The following TTLL7 variants were observed in gnomAD, a reference collection of about 807,000 sequenced individuals.
TTLL7 encodes the protein tubulin polyglutamylase TTLL7.
A neutral mutation model predicts 120.2 loss-of-function variants in TTLL7; 53 were observed. The observed-to-expected ratio is 0.44, with a 90% CI of 0.35 to 0.55. TTLL7 has a LOEUF of 0.55. Ranked by LOEUF, TTLL7 falls within the 20% of genes least tolerant of loss-of-function variation. The probability of loss-of-function intolerance (pLI) is 0.00; values close to 1 mark genes in which losing one functional copy is unlikely to be tolerated. For missense variants in TTLL7, 803 were observed against 1,054.7 expected, an observed-to-expected ratio of 0.76 and a Z score of 3.31; for synonymous variants, 353 against 351.7, an observed-to-expected ratio of 1.00 and a Z score of -0.04.
chr1:83,880,687 A>G (rs184874099), intron 20 of TTLL7, among the ~76,000 whole-genome samples: 19 of 152,222 alleles, frequency 1.2e-4, no homozygotes, highest in African/African-American at 4.6e-4. Flanking sequence ...CTTAGATTCA[A>G]TGCCATCCGC....
intron 13 of TTLL7, 84 bp downstream of exon 13, chr1:83,919,615 T>C (rs1658476719): frequency 1.6e-6 from 2 of 1,248,324 alleles, no homozygotes; most frequent in East Asian, 2.6e-5. Context: ...AATGTTTTTA[T>C]ATGTCGGACC....
Position 83,917,583 on chromosome 1 carries a change from G to A in TTLL7, c.1587+21C>T, listed in dbSNP as rs765775511. ...AGTAGCATCTACTTTGATAAGTAAG[G>A]AAGGTAGAGATATACTGCACCTTTG... On this transcript the variant is annotated intron_variant, in intron 14 of 20. Coordinates refer to ENST00000260505, the MANE Select transcript of TTLL7 (RefSeq NM_024686.6). 2.9e-5 allele frequency: 45 copies of A among 1,535,308 alleles called. No homozygotes were observed. The East Asian group carries it at 4.0e-4, about 14-fold the overall frequency.
chr1:83,895,752 A>G (rs1656159283), intron 18 of TTLL7, among the ~76,000 whole-genome samples: 1 of 152,070 alleles, frequency 6.6e-6, no homozygotes, highest in African/African-American at 2.4e-5. Context: ...TCTTAACTAC[A>G]TCCAGCACTG....
chr1:83,951,612 T>C (rs1249513127), intron 3 of TTLL7, among the ~76,000 whole-genome samples: 1 of 152,212 alleles, frequency 6.6e-6, no homozygotes, highest in East Asian at 1.9e-4. Context: ...TGTCTAATCA[T>C]ATTAAGTGTT....
intron 20 of TTLL7, among the ~76,000 whole-genome samples, chr1:83,879,200 CT>C (rs1373055876): frequency 6.6e-6 from 1 of 151,800 alleles, no homozygotes. Flanking sequence ...CGTTTCTTAC[CT>C]ATGAGGAAAA....
Position 83,933,761 on chromosome 1 carries a change from C to CA in TTLL7, c.893dup (p.Leu298PhefsTer21). Reference sequence around the variant, plus strand: ...CTGCTACAATCAGGGTCTTTACCACCAATTCCTATAAGATTGTGATAAAAG... The same window carrying CA: ...CTGCTACAATCAGGGTCTTTACCACCAAATTCCTATAAGATTGTGATAAAAG... On this transcript the variant is annotated frameshift_variant, in exon 9 of 21. Coordinates refer to ENST00000260505, the MANE Select transcript of TTLL7 (RefSeq NM_024686.6). LOFTEE classifies it high-confidence loss of function. 6.2e-7 allele frequency: 1 copy of CA among 1,607,832 alleles called. No homozygotes were observed. Among genetic ancestry groups the CA allele is most frequent in the Non-Finnish European group, 8.5e-7 (1 of 1,177,754 alleles).
At position 83,921,244 on chromosome 1, in the gene TTLL7, T is replaced by C; in HGVS notation, c.1290+3A>G. The C allele has an allele frequency of 1.9e-6, 3 of 1,611,988 alleles. No individual in the cohort carries two copies. Among genetic ancestry groups the C allele is most frequent in the Non-Finnish European group, 2.5e-6 (3 of 1,179,346 alleles). ...TGTGGGTACTTTCTTAAAACTTTCATACCAACTCTTCTTTCCGCCTCTCCA... is the reference window on the plus strand; with the variant it reads ...TGTGGGTACTTTCTTAAAACTTTCACACCAACTCTTCTTTCCGCCTCTCCA... On this transcript the variant is annotated splice_donor_region_variant and intron_variant, in intron 11 of 20. Transcript: ENST00000260505.
At position 83,865,624 on chromosome 1, in the gene TTLL7, C is replaced by T. The variant is rs1652862794; in HGVS notation, c.*4338G>A. 1 of 151,854 alleles carries T rather than the reference C, an allele frequency of 6.6e-6. No homozygotes were observed. Among genetic ancestry groups the T allele is most frequent in the Admixed American group, 6.6e-5 (1 of 15,242 alleles). The allele number at this position is 151,854 out of a possible 1,614,324, so 9.4% of individuals were successfully genotyped here. A position where few individuals can be genotyped will look rare whatever the true frequency, so the allele number is the denominator to read the frequency against. On this transcript the variant is annotated 3_prime_UTR_variant, in exon 21 of 21. Transcript: ENST00000260505. ...TTTGGTTGCAAGACTTATTTGTAGC[C>T]ATATATCTTGCTTTATATGTATCCA...
chr1:83,874,897 A>G (rs1378867230), intron 20 of TTLL7, among the ~76,000 whole-genome samples: 2 of 152,018 alleles, frequency 1.3e-5, no homozygotes, highest in South Asian at 2.1e-4. Context: ...TAATTTATAT[A>G]TTATGAACAC....
intron 1 of TTLL7, among the ~76,000 whole-genome samples, chr1:83,991,158 A>G (rs1222509734): frequency 6.6e-6 from 1 of 152,212 alleles, no homozygotes; most frequent in Non-Finnish European, 1.5e-5. Flanking sequence ...TCATAGAAAC[A>G]TAAAGTAGAA....
At chr1:83,964,809 A>G (rs1650308537) in intron 1 of TTLL7, among the ~76,000 whole-genome samples, 3 of 152,162 alleles carry the variant, frequency 2.0e-5, no homozygotes, top group Admixed American at 6.5e-5. Flanking sequence ...TATACATGTA[A>G]CCATATACCC....
chr1:83,963,968 C>G (rs1650233066), intron 1 of TTLL7, among the ~76,000 whole-genome samples: 1 of 152,028 alleles, frequency 6.6e-6, no homozygotes, highest in African/African-American at 2.4e-5. Flanking sequence ...ATAAAATGTT[C>G]TGTATACCTT....
intron 10 of TTLL7, among the ~76,000 whole-genome samples, chr1:83,927,976 C>A (rs1226209253): frequency 6.6e-6 from 1 of 152,098 alleles, no homozygotes; most frequent in African/African-American, 2.4e-5. Context: ...GTGCTAAATT[C>A]TCTGTGGAAC....
intron 1 of TTLL7, among the ~76,000 whole-genome samples, chr1:83,990,453 G>T (rs936398097): frequency 6.6e-6 from 1 of 152,186 alleles, no homozygotes; most frequent in African/African-American, 2.4e-5. Flanking sequence ...GGGATTACAG[G>T]CGTGAGCCAC....
intron 18 of TTLL7, among the ~76,000 whole-genome samples, chr1:83,901,116 G>C (rs1656686422): frequency 6.6e-6 from 1 of 151,786 alleles, no homozygotes; most frequent in Admixed American, 6.6e-5. Context: ...GTCATTTTAT[G>C]TGCTACACTT....
intron 10 of TTLL7, 113 bp downstream of exon 10, chr1:83,929,023 A>C (rs921656858): frequency 1.1e-5 from 5 of 454,664 alleles, no homozygotes; most frequent in Non-Finnish European, 1.5e-5. Context: ...AGAAATGAAA[A>C]TTATAAAATA....
At chr1:83,933,853 C>T in intron 8 of TTLL7, 87 bp from the exon 9 acceptor site, 1 of 1,342,506 alleles carries the variant, frequency 7.4e-7, no homozygotes, top group Non-Finnish European at 1.0e-6. Context: ...AACTGGCAGC[C>T]TGGCCAAGTT....
Position 83,906,355 on chromosome 1 carries a change from C to A in TTLL7, c.2101G>T (p.Ala701Ser), listed in dbSNP as rs1391287349. The change falls in exon 17 of 21, where the codon GCA becomes TCA. Residue 701 changes from alanine to serine, a missense_variant. By Grantham distance (99) the Ala-to-Ser change is moderately conservative (BLOSUM62 1). Around this residue, in one of 3 missense-constraint regions of TTLL7, gnomAD observed 388 missense variants for 450.4 expected, o/e 0.86. Coordinates refer to ENST00000260505, the MANE Select transcript of TTLL7 (RefSeq NM_024686.6). ...TCTTCTATCAGAAGTTCTGATTCTG[C>A]ATCTGACTTTCCTGGAAACCGGATC... The part of the protein sequence containing the change: ...MKIRFPGKSD[A>S]ESELLIEDII... 1 of 1,612,420 alleles carries A rather than the reference C, an allele frequency of 6.2e-7. No homozygotes were observed. The highest frequency in any genetic ancestry group is 1.1e-5 in the South Asian group (1 of 90,982).
At position 83,865,439 on chromosome 1, in the gene TTLL7, T is replaced by C. The variant is rs1009406137; in HGVS notation, c.*4523A>G. ...TTATTACTAATTTAGGAACTATTGG[T>C]CCATTGATTGTACCTGTAGATAATA... On this transcript the variant is annotated 3_prime_UTR_variant, in exon 21 of 21. Transcript: ENST00000260505. 6 of 152,020 alleles carry C rather than the reference T, an allele frequency of 3.9e-5. No homozygotes were observed. The highest frequency in any genetic ancestry group is 1.4e-4 in the African/African-American group (6 of 41,432). 9.4% of individuals were successfully genotyped at this position (152,020 alleles called of 1,614,324 possible). A position where few individuals can be genotyped will look rare whatever the true frequency, so the allele number is the denominator to read the frequency against.
Sources: gnomAD v4.1 joint callset for allele counts (sites outside exome capture counted in the v4.1 genomes callset) on GRCh38, gnomAD v4.1.1 for gene constraint, gnomAD v4.1.1 regional missense constraint, MANE v1.5 for transcripts, NCBI Gene and HGNC (gene_info 2026-07-23, HGNC 2026-07-21) for gene names.